Variants in RORA observed in about 807,000 individuals in gnomAD.
The protein encoded by RORA is nuclear receptor ROR-alpha.
A neutral mutation model predicts 69.5 loss-of-function variants in RORA; 7 were observed. The observed-to-expected ratio is 0.10, with a 90% CI of 0.06 to 0.19. RORA has a LOEUF of 0.19. Ranked by LOEUF, RORA falls within the 10% of genes least tolerant of loss-of-function variation. The probability of loss-of-function intolerance (pLI) is 1.00; values close to 1 mark genes in which losing one functional copy is unlikely to be tolerated. For missense variants in RORA, 457 were observed against 663.0 expected, an observed-to-expected ratio of 0.69 and a Z score of 3.41; for synonymous variants, 261 against 240.8, an observed-to-expected ratio of 1.08 and a Z score of -0.78.
intron 2 of RORA, among the ~76,000 whole-genome samples, chr15:60,607,035 A>G (rs2068961665): frequency 6.6e-6 from 1 of 152,214 alleles, no homozygotes; most frequent in African/African-American, 2.4e-5. Flanking sequence ...AACTTCCAGT[A>G]TACCGGAGAT....
intron 1 of RORA, among the ~76,000 whole-genome samples, chr15:61,199,445 C>T (rs941221962): frequency 1.6e-4 from 25 of 152,102 alleles, no homozygotes; most frequent in African/African-American, 6.0e-4. Flanking sequence ...AAAACCCACA[C>T]AAAGAAACAC....
intron 1 of RORA, among the ~76,000 whole-genome samples, chr15:60,919,937 C>T (rs1265336188): frequency 6.6e-6 from 1 of 152,092 alleles, no homozygotes; most frequent in Non-Finnish European, 1.5e-5. Flanking sequence ...TGGTGTTCAA[C>T]CATGCAGGAA....
At chr15:61,162,846 A>G (rs1185173519) in intron 1 of RORA, among the ~76,000 whole-genome samples, 1 of 152,212 alleles carries the variant, frequency 6.6e-6, no homozygotes, top group Non-Finnish European at 1.5e-5. Context: ...ACAAGTCTTC[A>G]ACATAAAACT....
At chr15:60,684,111 A>G (rs2070701253) in intron 1 of RORA, among the ~76,000 whole-genome samples, 1 of 150,888 alleles carries the variant, frequency 6.6e-6, no homozygotes, top group African/African-American at 2.4e-5. Context: ...TTTTTTTAGT[A>G]AGAGGTGGCA....
intron 2 of RORA, among the ~76,000 whole-genome samples, chr15:60,555,021 C>T (rs1023556768): frequency 6.6e-6 from 1 of 152,140 alleles, no homozygotes; most frequent in Admixed American, 6.5e-5. Context: ...CTTCCTGTGT[C>T]TTGGTCCTCT....
At chr15:60,843,549 T>C (rs1165094796) in intron 1 of RORA, among the ~76,000 whole-genome samples, 1 of 152,192 alleles carries the variant, frequency 6.6e-6, no homozygotes, top group Non-Finnish European at 1.5e-5. Flanking sequence ...CATGGTCAAA[T>C]GTCCACTAGC....
intron 1 of RORA, among the ~76,000 whole-genome samples, chr15:60,759,685 T>C (rs1427882250): frequency 3.9e-5 from 6 of 152,142 alleles, no homozygotes; most frequent in Non-Finnish European, 7.4e-5. Flanking sequence ...TTAACCACTT[T>C]TGGGTGGGCC....
chr15:61,059,923 GAAGAAGAAGAAC>G (rs540744944), intron 1 of RORA, among the ~76,000 whole-genome samples: 1,642 of 132,056 alleles, frequency 0.012, 16 homozygotes, highest in South Asian at 0.018. Flanking sequence ...AGAAGAAGAA[GAAGAAGAAGAAC>G]AAGAAGAAGA....
chr15:60,671,067 G>GAGATAT (rs1244344338), intron 2 of RORA, among the ~76,000 whole-genome samples: 1 of 122,310 alleles, frequency 8.2e-6, no homozygotes, highest in Non-Finnish European at 1.6e-5. Context: ...ATATCCCATT[G>GAGATAT]ATATATATAT....
intron 1 of RORA, among the ~76,000 whole-genome samples, chr15:61,122,920 T>A (rs922023754): frequency 2.6e-5 from 4 of 152,130 alleles, no homozygotes; most frequent in Admixed American, 1.3e-4. Flanking sequence ...ACTGAGAAAA[T>A]TGAGACAAAA....
At chr15:60,969,514 G>T (rs552234631) in intron 1 of RORA, among the ~76,000 whole-genome samples, 5 of 152,204 alleles carry the variant, frequency 3.3e-5, no homozygotes, top group Non-Finnish European at 7.3e-5. Context: ...TCACAGGATT[G>T]CAGGCAACAT....
At chr15:60,753,786 A>G (rs1567178904) in intron 1 of RORA, among the ~76,000 whole-genome samples, 1 of 152,230 alleles carries the variant, frequency 6.6e-6, no homozygotes, top group Non-Finnish European at 1.5e-5. Flanking sequence ...CTGTTCATAT[A>G]CTAGACAGAC....
intron 7 of RORA, 38 bp downstream of exon 7, chr15:60,503,497 T>G: frequency 6.2e-6 from 10 of 1,610,374 alleles, no homozygotes; most frequent in Non-Finnish European, 6.8e-6. Flanking sequence ...GAAAGCAGGT[T>G]AGGAAGAGAT....
intron 1 of RORA, among the ~76,000 whole-genome samples, chr15:61,223,184 C>T (rs530451955): frequency 1.3e-5 from 2 of 151,858 alleles, no homozygotes; most frequent in East Asian, 1.9e-4. Context: ...CATGGTGGTG[C>T]GCACCTGTAG....
At chr15:60,548,948 T>G (rs1483031485) in intron 2 of RORA, among the ~76,000 whole-genome samples, 1 of 152,180 alleles carries the variant, frequency 6.6e-6, no homozygotes, top group African/African-American at 2.4e-5. Flanking sequence ...TAAAATCATG[T>G]TGTGGATAAA....
At position 60,561,142 on chromosome 15, in the gene RORA, C is replaced by T. The variant is rs1461525921; in HGVS notation, c.197-29291G>A. Among the ~76,000 whole-genome samples the T allele has an allele frequency of 4.4e-4, 62 of 141,224 alleles. No homozygotes were observed. The East Asian group carries it at 7.3e-3, about 17-fold the overall frequency. The allele number at this position is 141,224 out of a possible 152,430, so 92.6% of individuals were successfully genotyped here. On this transcript the variant is annotated intron_variant, in intron 2 of 10. Coordinates refer to ENST00000335670, the MANE Select transcript of RORA (RefSeq NM_134261.3). Reference sequence around the variant, plus strand: ...TGTCGCCCAGGCTGGAGTGCAGTGGCGCGATCTCGGCTCACTGCAAGCGCC... The same window carrying T: ...TGTCGCCCAGGCTGGAGTGCAGTGGTGCGATCTCGGCTCACTGCAAGCGCC...
intron 2 of RORA, among the ~76,000 whole-genome samples, chr15:60,557,453 T>C (rs1567085209): frequency 6.6e-6 from 1 of 152,128 alleles, no homozygotes; most frequent in Non-Finnish European, 1.5e-5. Context: ...GAACACAAAG[T>C]TTTGGCTGAG....
At chr15:61,121,886 G>A (rs2079108127) in intron 1 of RORA, among the ~76,000 whole-genome samples, 2 of 149,636 alleles carry the variant, frequency 1.3e-5, no homozygotes, top group Admixed American at 6.6e-5. Flanking sequence ...TTATAATAAG[G>A]ATCCATATAC....
chr15:60,694,440 C>T (rs2070873363), intron 1 of RORA, among the ~76,000 whole-genome samples: 1 of 152,172 alleles, frequency 6.6e-6, no homozygotes. Flanking sequence ...ACTCTTTCAC[C>T]AATAGGCTCT....
Sources: allele counts gnomAD v4.1 joint callset (sites outside exome capture counted in the v4.1 genomes callset), GRCh38; gene constraint gnomAD v4.1.1; transcripts MANE v1.5; gene names NCBI Gene and HGNC (gene_info 2026-07-23, HGNC 2026-07-21).